Variants in SOX5 observed in about 807,000 individuals in gnomAD.
SOX5 encodes the protein transcription factor SOX-5.
SOX5 carries 9 observed loss-of-function variants against 92.0 expected under a neutral mutation model. The ratio of observed to expected loss-of-function variants is 0.10; its 90% CI spans 0.06 to 0.17. SOX5 has a LOEUF of 0.17. Ranked by LOEUF, SOX5 falls within the 10% of genes least tolerant of loss-of-function variation. SOX5 has a pLI of 1.00. For missense variants in SOX5, 642 were observed against 944.5 expected (o/e 0.68, Z 4.20); for synonymous variants, 344 against 336.3 (o/e 1.02, Z -0.25).
Position 23,935,378 on chromosome 12 carries a change from A to G in SOX5, c.38+14186T>C, listed in dbSNP as rs1172714275. ...TGAGATGTGAACACTGACACACTTA[A>G]GAATTACTATACTGTAAAGAGGCTT... On this transcript the variant is annotated intron_variant, in intron 1 of 14. Transcript: ENST00000451604. Among the ~76,000 whole-genome samples, 4 of 151,344 alleles carry G rather than the reference A, an allele frequency of 2.6e-5. No individual in the cohort carries two copies. The East Asian group carries it at 7.7e-4, about 29-fold the overall frequency.
chr12:24,268,930 T>G (rs1032303522), intron 3 of SOX5, among the ~76,000 whole-genome samples: 2 of 152,180 alleles, frequency 1.3e-5, no homozygotes, highest in African/African-American at 4.8e-5. Flanking sequence ...GCCATCCCCA[T>G]TAAAATGTAA....
chr12:23,806,321 C>G (rs906899521), intron 3 of SOX5, among the ~76,000 whole-genome samples: 5 of 152,130 alleles, frequency 3.3e-5, no homozygotes, highest in African/African-American at 1.2e-4. Context: ...CCCTGCCTAA[C>G]AGAGGCAAGG....
chr12:24,523,005 G>A (rs373747543), intron 1 of SOX5, among the ~76,000 whole-genome samples: 4 of 152,044 alleles, frequency 2.6e-5, no homozygotes, highest in African/African-American at 9.7e-5. Flanking sequence ...ATAATCTTAT[G>A]TGTAAAAAAA....
intron 9 of SOX5, among the ~76,000 whole-genome samples, chr12:23,597,363 T>A (rs1952647970): frequency 6.6e-6 from 1 of 152,194 alleles, no homozygotes; most frequent in African/African-American, 2.4e-5. Context: ...ACTTTCTGCA[T>A]CATAAGAATA....
chr12:23,765,387 A>C (rs1296281955), intron 3 of SOX5, among the ~76,000 whole-genome samples: 1 of 144,124 alleles, frequency 6.9e-6, no homozygotes, highest in African/African-American at 2.6e-5. Flanking sequence ...TAAAACAGCA[A>C]AAAAAAAAAA....
chr12:24,215,927 T>C (rs932016342), intron 3 of SOX5, among the ~76,000 whole-genome samples: 3 of 152,118 alleles, frequency 2.0e-5, no homozygotes, highest in East Asian at 1.9e-4. Context: ...TGGCACAGAA[T>C]TGAGAGTACA....
intron 6 of SOX5, among the ~76,000 whole-genome samples, chr12:23,692,499 T>G (rs2089040451): frequency 6.6e-6 from 1 of 152,072 alleles, no homozygotes; most frequent in Non-Finnish European, 1.5e-5. Context: ...CTAATTACAT[T>G]ATTTGCAGTA....
intron 2 of SOX5, among the ~76,000 whole-genome samples, chr12:23,890,480 G>C (rs770632789): frequency 1.3e-5 from 2 of 152,050 alleles, no homozygotes; most frequent in Non-Finnish European, 2.9e-5. Flanking sequence ...CATCACATTT[G>C]ACACTGGAAC....
chr12:24,158,345 CA>C (rs961875061), intron 4 of SOX5, among the ~76,000 whole-genome samples: 1 of 151,774 alleles, frequency 6.6e-6, no homozygotes, highest in African/African-American at 2.4e-5. Flanking sequence ...TCATTCTGAC[CA>C]GGGAAATATT....
At chr12:24,027,903 G>A (rs1244512598) in intron 4 of SOX5, among the ~76,000 whole-genome samples, 1 of 151,814 alleles carries the variant, frequency 6.6e-6, no homozygotes, top group Admixed American at 6.6e-5. Context: ...CACACCACAA[G>A]TCCACGAAAA....
chr12:24,430,942 G>T (rs779516039), intron 1 of SOX5, among the ~76,000 whole-genome samples: 84 of 152,024 alleles, frequency 5.5e-4, no homozygotes, highest in Admixed American at 3.3e-4. Context: ...CTTTATTCTT[G>T]AAAATTGTAT....
chr12:24,186,371 C>A (rs924480840), intron 4 of SOX5, among the ~76,000 whole-genome samples: 1 of 152,112 alleles, frequency 6.6e-6, no homozygotes, highest in Admixed American at 6.6e-5. Context: ...AGCCTTTACA[C>A]AAGCCACAAT....
In SOX5 at chr12:23,942,219, G is replaced by A. The variant is rs567508964; in HGVS notation, c.38+7345C>T. Among the ~76,000 whole-genome samples, 13 of 151,704 alleles carry A rather than the reference G, an allele frequency of 8.6e-5. No individual in the cohort carries two copies. In the East Asian group the frequency reaches 9.7e-4, roughly 11 times the overall value. ...AGGAATATTTCTCATTTTCAGTGTCGTATTTCTTTTTCATTAGGATGATCT... is the reference window on the plus strand; with the variant it reads ...AGGAATATTTCTCATTTTCAGTGTCATATTTCTTTTTCATTAGGATGATCT... On this transcript the variant is annotated intron_variant, in intron 1 of 14. Transcript: ENST00000451604.
intron 4 of SOX5, among the ~76,000 whole-genome samples, chr12:23,998,778 G>A (rs1951286763): frequency 1.7e-5 from 2 of 118,456 alleles, no homozygotes; most frequent in South Asian, 3.0e-4. Flanking sequence ...TCCAGCCTGG[G>A]TAACAAGGTG....
At chr12:23,717,186 T>C (rs1382968645) in intron 6 of SOX5, among the ~76,000 whole-genome samples, 2 of 152,214 alleles carry the variant, frequency 1.3e-5, no homozygotes, top group Non-Finnish European at 2.9e-5. Context: ...TTCCTGACAG[T>C]AGAAAAAATA....
intron 3 of SOX5, chr12:24,237,705 A>G (rs1424888752): frequency 6.6e-6 from 1 of 152,126 alleles, no homozygotes; most frequent in African/African-American, 2.4e-5. Flanking sequence ...TTTGCTATTG[A>G]TAATATACTA....
chr12:23,886,536 T>C (rs1021212921), intron 2 of SOX5, among the ~76,000 whole-genome samples: 11 of 152,112 alleles, frequency 7.2e-5, no homozygotes, highest in African/African-American at 2.4e-4. Flanking sequence ...GCAAGATTTT[T>C]TTTTTTCTTT....
At chr12:23,877,178 T>G (rs1459904735) in intron 2 of SOX5, among the ~76,000 whole-genome samples, 2 of 152,198 alleles carry the variant, frequency 1.3e-5, no homozygotes, top group African/African-American at 2.4e-5. Context: ...TATTTAAGAT[T>G]TTTGCATCTC....
intron 4 of SOX5, among the ~76,000 whole-genome samples, chr12:24,008,307 T>C (rs1399819005): frequency 1.3e-5 from 2 of 152,156 alleles, no homozygotes; most frequent in African/African-American, 4.8e-5. Context: ...AATCAGAGAA[T>C]AAAAGCATTC....
Sources: allele counts gnomAD v4.1 joint callset (sites outside exome capture counted in the v4.1 genomes callset), GRCh38; gene constraint gnomAD v4.1.1; transcripts MANE v1.5; gene names NCBI Gene and HGNC (gene_info 2026-07-23, HGNC 2026-07-21).